The following LAMC1 variants were observed in gnomAD, a reference collection of about 807,000 sequenced individuals.
LAMC1 encodes the protein laminin subunit gamma 1.
A neutral mutation model predicts 173.6 loss-of-function variants in LAMC1; 38 were observed. That is an observed-to-expected ratio of 0.22 (90% CI 0.17 to 0.29). LAMC1 has a LOEUF of 0.29. LAMC1 is among the 10% of genes least tolerant of loss of function. LAMC1 has a pLI of 1.00. For synonymous variants in LAMC1, 746 were observed against 749.1 expected, an observed-to-expected ratio of 1.00 and a Z score of 0.07; for missense variants, 1,824 against 2,051.8, an observed-to-expected ratio of 0.89 and a Z score of 2.14.
At chr1:183,138,185 C>G (rs1160887683) in intron 26 of LAMC1, 10 of 963,358 alleles carry the variant, frequency 1.0e-5, no homozygotes, top group Non-Finnish European at 1.2e-5. Flanking sequence ...TCTTGTTCTC[C>G]CAGCACCTTT....
At chr1:183,142,447 G>A (rs773969031) in intron 27 of LAMC1, 87 bp from the exon 28 acceptor site, 161 of 1,371,798 alleles carry the variant, frequency 1.2e-4, no homozygotes, top group Middle Eastern at 8.6e-4. Flanking sequence ...GGCAGCTGCT[G>A]GGCCTAGAGT....
At chr1:183,035,431 C>T (rs1007897769) in intron 1 of LAMC1, among the ~76,000 whole-genome samples, 9 of 152,310 alleles carry the variant, frequency 5.9e-5, no homozygotes, top group African/African-American at 1.9e-4. Context: ...GAGCAATCCT[C>T]CTGCCTTGGC....
In LAMC1 at chr1:183,024,119, C is replaced by T. The variant is rs769651215; in HGVS notation, c.403C>T (p.Leu135Phe). 2 of 1,591,522 alleles carry T rather than the reference C, an allele frequency of 1.3e-6. No homozygotes were observed. Among genetic ancestry groups the T allele is most frequent in the Non-Finnish European group, 1.7e-6 (2 of 1,169,074 alleles). Residue 135 changes from leucine (L) to phenylalanine (F), a missense_variant, in exon 1 of 28, where the codon CTC becomes TTC. By Grantham distance (22) the Leu-to-Phe change is conservative. Transcript: ENST00000258341. ...GGTGCAGTACCCCAGCTCCATCAAC[C>T]TCACGCTGCACCTGGGTAAGCGGTG... ...AGVQYPSSIN[L>F]TLHLGKAFDI... is the part of the protein sequence containing the mutation.
Position 183,142,667 on chromosome 1 carries a change from G to T in LAMC1, c.4707G>T (p.Glu1569Asp). ...SDLENEAKKQ[E>D]AAIMDYNRDI... The stretch of plus-strand genomic sequence containing the variant: ...TGGAGAATGAAGCCAAGAAGCAGGA[G>T]GCTGCCATCATGGACTATAACCGAG... The change falls in exon 28 of 28, where the codon GAG becomes GAT. Residue 1569 changes from glutamate (E) to aspartate (D), a missense_variant. By Grantham distance (45) the Glu-to-Asp change is conservative. Transcript: ENST00000258341. 1 of 1,614,096 alleles carries T rather than the reference G, an allele frequency of 6.2e-7. No homozygotes were observed.
intron 1 of LAMC1, among the ~76,000 whole-genome samples, chr1:183,097,951 G>C (rs1655736845): frequency 6.6e-6 from 1 of 152,200 alleles, no homozygotes; most frequent in Admixed American, 6.5e-5. Flanking sequence ...CTTCGTGTGT[G>C]TGAACATGGG....
chr1:183,105,346 GA>G (rs1264201319), intron 2 of LAMC1, among the ~76,000 whole-genome samples: 2 of 151,794 alleles, frequency 1.3e-5, no homozygotes, highest in Non-Finnish European at 2.9e-5. Flanking sequence ...ACATTTGCCA[GA>G]CTTCTTTCTT....
In LAMC1 at chr1:183,103,408, C is replaced by T. The variant is rs374634622; in HGVS notation, c.499C>T (p.Arg167Trp). Residue 167 changes from arginine (R) to tryptophan (W), a missense_variant, in exon 2 of 28, where the codon CGG becomes TGG. By Grantham distance (101) the Arg-to-Trp change is moderately radical. Coordinates refer to ENST00000258341, the MANE Select transcript of LAMC1 (RefSeq NM_002293.4). ...PESFAIYKRT[R>W]EDGPWIPYQY... ...GAGCTTTGCCATTTACAAGCGCACA[C>T]GGGAAGACGGGCCCTGGATTCCTTA... The T allele has an allele frequency of 4.3e-6, 7 of 1,614,052 alleles. No homozygotes were observed. The African/African-American group carries it at 5.3e-5, about 12-fold the overall frequency.
At position 183,054,630 on chromosome 1, in the gene LAMC1, C is replaced by T. The variant is rs555287342; in HGVS notation, c.418+30496C>T. Among the ~76,000 whole-genome samples the T allele has an allele frequency of 5.9e-5, 9 of 152,252 alleles. No homozygotes were observed. The East Asian group carries it at 7.7e-4, about 13-fold the overall frequency. ...TTAGGGTTTCAAGATTAACCCACCC[C>T]GTATATTGCAAGGTCGCTTCTCAGC... On this transcript the variant is annotated intron_variant, in intron 1 of 27. Coordinates refer to ENST00000258341, the MANE Select transcript of LAMC1 (RefSeq NM_002293.4).
At chr1:183,103,659 C>T in intron 2 of LAMC1, 27 bp downstream of exon 2, 1 of 1,516,648 alleles carries the variant, frequency 6.6e-7, no homozygotes, top group Non-Finnish European at 8.8e-7. Flanking sequence ...TGGCCTGAAG[C>T]CAGCTAGTTC....
intron 1 of LAMC1, among the ~76,000 whole-genome samples, chr1:183,040,355 G>A (rs1410165628): frequency 6.6e-6 from 1 of 152,182 alleles, no homozygotes; most frequent in Non-Finnish European, 1.5e-5. Flanking sequence ...AAGTCTCAAG[G>A]AAGCACAGTA....
At position 183,050,899 on chromosome 1, in the gene LAMC1, A is replaced by AG. The variant is rs1453068517; in HGVS notation, c.418+26765_418+26766insG. 5.9e-4 allele frequency among the ~76,000 whole-genome samples: 89 copies of AG among 151,606 alleles called. 1 individual carries two copies. The highest frequency in any genetic ancestry group is 1.9e-3 in the African/African-American group (78 of 41,408). ...GGAGTGAAACTCCATCTCAAAAAAAAAAAAAAAAAAAAGAATTACTGAATT... is the reference window on the plus strand; with the variant it reads ...GGAGTGAAACTCCATCTCAAAAAAAAGAAAAAAAAAAAAGAATTACTGAATT... On this transcript the variant is annotated intron_variant, in intron 1 of 27. Coordinates refer to ENST00000258341, the MANE Select transcript of LAMC1 (RefSeq NM_002293.4).
intron 1 of LAMC1, among the ~76,000 whole-genome samples, chr1:183,024,873 G>A (rs1430502938): frequency 6.6e-6 from 1 of 152,200 alleles, no homozygotes; most frequent in Non-Finnish European, 1.5e-5. Flanking sequence ...AGAAACACGT[G>A]TAAGTGATGT....
chr1:183,049,902 A>T (rs1654370566), intron 1 of LAMC1, among the ~76,000 whole-genome samples: 1 of 152,068 alleles, frequency 6.6e-6, no homozygotes, highest in African/African-American at 2.4e-5. Flanking sequence ...GCATAATAGG[A>T]ATAGTTTGGG....
intron 1 of LAMC1, among the ~76,000 whole-genome samples, chr1:183,028,216 A>G (rs531118598): frequency 2.7e-5 from 4 of 148,728 alleles, no homozygotes; most frequent in Admixed American, 2.0e-4. Flanking sequence ...AGTTTTGACT[A>G]TTTCAGTTCT....
At chr1:183,125,609 A>T in intron 15 of LAMC1, 59 bp downstream of exon 15, 2 of 1,307,924 alleles carry the variant, frequency 1.5e-6, no homozygotes, top group Non-Finnish European at 2.1e-6. Flanking sequence ...TAAAAAATGA[A>T]TTTTTATAAG....
chr1:183,135,263 T>G (rs1169102861), intron 24 of LAMC1, 107 bp downstream of exon 24: 1 of 678,314 alleles, frequency 1.5e-6, no homozygotes, highest in African/African-American at 1.8e-5. Flanking sequence ...AACTCCCTAC[T>G]TTTTTTATGC....
rs533619458 is a variant in LAMC1, at chr1:183,138,822, G to A, written c.4473+995G>A. On this transcript the variant is annotated intron_variant, in intron 26 of 27. Transcript: ENST00000258341. Reference sequence around the variant, plus strand: ...TAATCCCAGCACTTTGAGAGGCCGAGGTGGGTGGATCGCCTGTGGTCAGGA... The same window carrying A: ...TAATCCCAGCACTTTGAGAGGCCGAAGTGGGTGGATCGCCTGTGGTCAGGA... Among the ~76,000 whole-genome samples, 7 of 152,220 alleles carry A rather than the reference G, an allele frequency of 4.6e-5. No individual in the cohort carries two copies. The South Asian group carries it at 1.5e-3, about 32-fold the overall frequency.
rs777741748 is a variant in LAMC1, at chr1:183,128,691, G to A, written c.3221G>A (p.Arg1074Lys). The A allele has an allele frequency of 1.2e-6, 2 of 1,613,750 alleles. No homozygotes were observed. The highest frequency in any genetic ancestry group is 1.1e-5 in the South Asian group (1 of 91,024). ...GTGACAGATCAAGCCTTCGAGGATA[G>A]ACTAAAGGAAGCAGAGAGGGAAGTT... ...EMVTDQAFED[R>K]LKEAEREVMD... The change falls in exon 18 of 28, where the codon AGA becomes AAA. Residue 1074 changes from arginine (R) to lysine (K), a missense_variant. Transcript: ENST00000258341.
At chr1:183,110,783 G>C (rs569538334) in intron 4 of LAMC1, 129 bp downstream of exon 4, 1 of 946,548 alleles carries the variant, frequency 1.1e-6, no homozygotes, top group African/African-American at 1.6e-5. Flanking sequence ...TGTGTAATTT[G>C]AGTAGTATTC....
Sources: allele counts gnomAD v4.1 joint callset (sites outside exome capture counted in the v4.1 genomes callset), GRCh38; gene constraint gnomAD v4.1.1; transcripts MANE v1.5; gene names NCBI Gene and HGNC (gene_info 2026-07-23, HGNC 2026-07-21).